USP6: variants seen among roughly 807,000 people sequenced by gnomAD.
USP6 encodes ubiquitin specific peptidase 6.
Under a neutral mutation model 175.7 loss-of-function variants are expected in USP6, and 128 were observed. The observed-to-expected ratio is 0.73, with a 90% CI of 0.63 to 0.84. The LOEUF (loss-of-function observed/expected upper bound fraction) is 0.84, where lower values mean the gene tolerates loss of function less well. Ranked by LOEUF, USP6 falls within the 40% of genes least tolerant of loss-of-function variation. The pLI is 0.00. For missense variants in USP6, 1,498 were observed against 1,760.3 expected, an observed-to-expected ratio of 0.85 and a Z score of 2.67; for synonymous variants, 562 against 630.6, an observed-to-expected ratio of 0.89 and a Z score of 1.63.
At chr17:5,161,685 T>C in intron 32 of USP6, 71 bp downstream of exon 32, 1 of 1,543,630 alleles carries the variant, frequency 6.5e-7, no homozygotes, top group Non-Finnish European at 8.9e-7. Context: ...TTCCTAAGAT[T>C]TCCAATTTTG....
At chr17:5,120,509 GTGTC>G (rs546927224) in intron 2 of USP6, 114 bp from the exon 3 acceptor site, 391 of 333,488 alleles carry the variant, frequency 1.2e-3, no homozygotes, top group South Asian at 2.1e-3. Flanking sequence ...TGGCCTATCT[GTGTC>G]TGTCTGTCTG....
At position 5,148,563 on chromosome 17, in the gene USP6, C is replaced by T. The variant is rs1361395037; in HGVS notation, c.2439C>T (p.Ser813=). The T allele has an allele frequency of 8.7e-6, 14 of 1,613,960 alleles. No individual in the cohort carries two copies. In the Admixed American group the frequency reaches 1.0e-4, roughly 12 times the overall value. The change falls in exon 30 of 38, where the codon TCC becomes TCT. Residue 813 remains serine (S), a synonymous_variant. Coordinates refer to ENST00000574788, the MANE Select transcript of USP6 (RefSeq NM_001304284.2). ...TTATCTTTGAATTTGTAGATTTCTCCTCTTCACCATCTACAAATGGAATGT... is the reference window on the plus strand; with the variant it reads ...TTATCTTTGAATTTGTAGATTTCTCTTCTTCACCATCTACAAATGGAATGT... The part of the protein sequence containing the change: ...SASSPTQIDF[S]SSPSTNGMFT...
intron 28 of USP6, 28 bp downstream of exon 28, chr17:5,146,202 T>G (rs1369436282): frequency 6.4e-7 from 1 of 1,562,298 alleles, no homozygotes; most frequent in Admixed American, 1.8e-5. Flanking sequence ...AAGAAACTTT[T>G]GATTCTATCC....
At chr17:5,145,013 T>C in intron 26 of USP6, 150 bp downstream of exon 26, 1 of 1,271,000 alleles carries the variant, frequency 7.9e-7, no homozygotes. Context: ...GCTTAATTGT[T>C]ATGTGATAAT....
Position 5,168,008 on chromosome 17 carries a change from G to A in USP6, c.3113G>A (p.Arg1038His), listed in dbSNP as rs750952283. ...CCCATCAACCTGGACAGCTGTCTCC[G>A]TGCTTTCACCAGTGAGGAAGAGCTA... Reference protein sequence around the residue: ...AEPINLDSCLRAFTSEEELGE... With the variant: ...AEPINLDSCLHAFTSEEELGE... Residue 1038 changes from arginine (R) to histidine (H), a missense_variant, in exon 34 of 38, where the codon CGT (arginine) becomes CAT (histidine). Around this residue, in one of 2 missense-constraint regions of USP6, gnomAD observed 1,217 missense variants for 1,500.8 expected, o/e 0.81. Coordinates refer to ENST00000574788, the MANE Select transcript of USP6 (RefSeq NM_001304284.2). The A allele has an allele frequency of 2.4e-5, 38 of 1,611,842 alleles. 1 individual carries two copies. Among genetic ancestry groups the A allele is most frequent in the South Asian group, 1.4e-4 (13 of 90,996 alleles).
Position 5,141,367 on chromosome 17 carries a change from T to G in USP6, c.1499-58T>G, listed in dbSNP as rs1401565388. On this transcript the variant is annotated intron_variant, in intron 22 of 37. Coordinates refer to ENST00000574788, the MANE Select transcript of USP6 (RefSeq NM_001304284.2). ...CTTTAAAAAAAAAAAACAGAAGCAA[T>G]CAAGTGGGTGTAAATTAGACAGATA... 4 of 1,445,056 alleles carry G rather than the reference T, an allele frequency of 2.8e-6. No homozygotes were observed. In the East Asian group the frequency reaches 9.3e-5, roughly 34 times the overall value. The allele number at this position is 1,445,056 out of a possible 1,614,324, so 89.5% of individuals were successfully genotyped here.
Position 5,155,341 on chromosome 17 carries a change from A to G in USP6, c.2644-81A>G, listed in dbSNP as rs2073857894. ...CTAATTTGAAATGGTGATAATGCCT[A>G]TCATTGGCAGAGTTAGAAGAACTAA... On this transcript the variant is annotated intron_variant, in intron 30 of 37. Transcript: ENST00000574788. 2.7e-6 allele frequency: 4 copies of G among 1,487,170 alleles called. No homozygotes were observed. The East Asian group carries it at 6.9e-5, about 26-fold the overall frequency. 92.1% of individuals were successfully genotyped at this position (1,487,170 alleles called of 1,614,324 possible).
intron 14 of USP6, 74 bp downstream of exon 14, chr17:5,133,624 A>T (rs2073150581): frequency 9.2e-6 from 9 of 980,524 alleles, no homozygotes; most frequent in African/African-American, 3.3e-5. Flanking sequence ...AGGGAACGTC[A>T]AGCCCACCCT....
chr17:5,124,009 G>A (rs933453630), intron 4 of USP6, among the ~76,000 whole-genome samples: 3 of 152,052 alleles, frequency 2.0e-5, no homozygotes, highest in Non-Finnish European at 4.4e-5. Context: ...GCACAAACAC[G>A]CACCCATAGA....
At chr17:5,133,641 G>A (rs1230089020) in intron 14 of USP6, 91 bp downstream of exon 14, 1 of 1,040,980 alleles carries the variant, frequency 9.6e-7, no homozygotes, top group Non-Finnish European at 1.5e-6. Context: ...CCCTGGGGTG[G>A]GGGGGTGGGA....
intron 31 of USP6, among the ~76,000 whole-genome samples, chr17:5,156,540 A>G (rs1231264125): frequency 1.3e-5 from 2 of 152,068 alleles, no homozygotes; most frequent in Non-Finnish European, 2.9e-5. Context: ...TCCCAACCTC[A>G]GGTGATCCGC....
chr17:5,116,198 C>T lies in USP6; in HGVS notation c.-2470C>T, dbSNP rs1006448776. ...GCTCCAACTAGCAGTCAGGAGGGGCCGCGGGCAGCGCTCGAGACGCTCATT... is the reference window on the plus strand; with the variant it reads ...GCTCCAACTAGCAGTCAGGAGGGGCTGCGGGCAGCGCTCGAGACGCTCATT... On this transcript the variant is annotated 5_prime_UTR_variant, in exon 1 of 38. Transcript: ENST00000574788. Among the ~76,000 whole-genome samples, 1 of 152,206 alleles carries T rather than the reference C, an allele frequency of 6.6e-6. No individual in the cohort carries two copies. Among genetic ancestry groups the T allele is most frequent in the African/African-American group, 2.4e-5 (1 of 41,456 alleles).
chr17:5,127,935 C>T (rs760895762), intron 7 of USP6, among the ~76,000 whole-genome samples: 2 of 152,232 alleles, frequency 1.3e-5, no homozygotes, highest in Admixed American at 6.5e-5. Flanking sequence ...TATTTTCCAT[C>T]TGCTGTTGGC....
chr17:5,128,433 G>C (rs1408068212), intron 7 of USP6: 6 of 152,194 alleles, frequency 3.9e-5, no homozygotes, highest in African/African-American at 1.4e-4. Context: ...TTTGTATTCT[G>C]AGATTCAACA....
At chr17:5,156,815 C>T (rs1254054788) in intron 31 of USP6, among the ~76,000 whole-genome samples, 3 of 151,348 alleles carry the variant, frequency 2.0e-5, no homozygotes, top group Admixed American at 1.3e-4. Flanking sequence ...ACTGCAAACT[C>T]CGCCTCCAGG....
chr17:5,148,889 A>C (rs1469887499), intron 30 of USP6, 122 bp downstream of exon 30: 1 of 1,443,874 alleles, frequency 6.9e-7, no homozygotes, highest in African/African-American at 1.4e-5. Flanking sequence ...ATTTTTAAAA[A>C]TTTAATACTT....
At chr17:5,145,256 A>G in intron 26 of USP6, 149 bp from the exon 27 acceptor site, 1 of 1,071,748 alleles carries the variant, frequency 9.3e-7, no homozygotes, top group Non-Finnish European at 1.3e-6. Context: ...AGGATTTTCC[A>G]TCTCAATTTA....
intron 22 of USP6, 54 bp from the exon 23 acceptor site, chr17:5,141,371 G>A: frequency 6.8e-7 from 1 of 1,477,754 alleles, no homozygotes; most frequent in African/African-American, 1.4e-5. Context: ...AAGCAATCAA[G>A]TGGGTGTAAA....
At chr17:5,163,557 AC>A (rs774288310) in intron 33 of USP6, among the ~76,000 whole-genome samples, 1 of 152,206 alleles carries the variant, frequency 6.6e-6, no homozygotes, top group Non-Finnish European at 1.5e-5. Flanking sequence ...CCACCTCCTA[AC>A]AACGCCACAT....
Sources: gnomAD v4.1 joint callset for allele counts (sites outside exome capture counted in the v4.1 genomes callset) on GRCh38, gnomAD v4.1.1 for gene constraint, gnomAD v4.1.1 regional missense constraint, MANE v1.5 for transcripts, NCBI Gene and HGNC (gene_info 2026-07-23, HGNC 2026-07-21) for gene names.